The following VPS54 variants were observed in gnomAD, a reference collection of about 807,000 sequenced individuals.
VPS54 encodes vacuolar protein sorting-associated protein 54.
In VPS54, 45 loss-of-function variants were observed where a neutral mutation model predicts 121.5. The ratio of observed to expected loss-of-function variants is 0.37; its 90% CI spans 0.29 to 0.47. VPS54 has a LOEUF of 0.47. Ranked by LOEUF, VPS54 falls within the 20% of genes least tolerant of loss-of-function variation. The pLI is 0.99. For synonymous variants in VPS54, 371 were observed against 385.8 expected, an observed-to-expected ratio of 0.96 and a Z score of 0.45; for missense variants, 1,090 against 1,131.4, an observed-to-expected ratio of 0.96 and a Z score of 0.52.
chr2:63,906,662 T>C (rs1464984738), intron 20 of VPS54, among the ~76,000 whole-genome samples: 1 of 152,170 alleles, frequency 6.6e-6, no homozygotes, highest in African/African-American at 2.4e-5. Context: ...TTACTGAATG[T>C]AGTATTGGGA....
Position 64,005,168 on chromosome 2 carries a change from A to G in VPS54, c.-21+13770T>C, listed in dbSNP as rs555407232. On this transcript the variant is annotated intron_variant, in intron 1 of 22. Coordinates refer to ENST00000272322, the MANE Select transcript of VPS54 (RefSeq NM_016516.3). ...GCCCAGGCCAGATTGCAGTGGCACA[A>G]TCTCGGCTCACTGCAAGCTCCGCCT... Among the ~76,000 whole-genome samples the G allele has an allele frequency of 1.0e-4, 13 of 126,898 alleles. No individual in the cohort carries two copies. In the East Asian group the frequency reaches 3.0e-3, roughly 29 times the overall value. 83.3% of individuals were successfully genotyped at this position (126,898 alleles called of 152,430 possible). A position where few individuals can be genotyped will look rare whatever the true frequency, so the allele number is the denominator to read the frequency against.
chr2:63,962,209 A>G lies in VPS54; in HGVS notation c.859T>C (p.Tyr287His). 1.2e-6 allele frequency: 2 copies of G among 1,614,046 alleles called. No individual in the cohort carries two copies. The highest frequency in any genetic ancestry group is 1.7e-6 in the Non-Finnish European group (2 of 1,179,916). ...GTGGCCATTAACTTCAGCTTATTGTATACTTTAACACAATTATTTCTGGTA... is the reference window on the plus strand; with the variant it reads ...GTGGCCATTAACTTCAGCTTATTGTGTACTTTAACACAATTATTTCTGGTA... ...ALTRNNCVKVYNKLKLMATVH... is the reference protein window; with the variant it reads ...ALTRNNCVKVHNKLKLMATVH... Residue 287 changes from tyrosine (Y) to histidine (H), a missense_variant, in exon 7 of 23, where the codon TAC (tyrosine) becomes CAC (histidine). Physicochemically the swap from Tyr to His is moderately conservative, Grantham distance 83 (BLOSUM62 2). Coordinates refer to ENST00000272322, the MANE Select transcript of VPS54 (RefSeq NM_016516.3).
intron 1 of VPS54, among the ~76,000 whole-genome samples, chr2:63,984,859 ATTGT>A (rs1169025380): frequency 6.6e-6 from 1 of 152,216 alleles, no homozygotes; most frequent in Non-Finnish European, 1.5e-5. Flanking sequence ...AAGAACATGC[ATTGT>A]TTTACTACTG....
chr2:63,973,449 A>G (rs925832757), intron 3 of VPS54, among the ~76,000 whole-genome samples: 8 of 152,098 alleles, frequency 5.3e-5, no homozygotes, highest in African/African-American at 1.4e-4. Context: ...GCACACTTCT[A>G]TATCTTTTTT....
intron 20 of VPS54, among the ~76,000 whole-genome samples, chr2:63,910,858 A>G (rs1673119112): frequency 1.3e-5 from 2 of 152,296 alleles, no homozygotes; most frequent in South Asian, 4.2e-4. Context: ...GTACTAGCAC[A>G]TCTTTGGTTT....
chr2:63,949,577 G>A (rs1421453997), intron 7 of VPS54, among the ~76,000 whole-genome samples: 2 of 152,090 alleles, frequency 1.3e-5, no homozygotes, highest in African/African-American at 4.8e-5. Context: ...ATGGTACTAA[G>A]AAAATCCTAT....
chr2:63,924,291 A>G (rs768694429), intron 12 of VPS54, among the ~76,000 whole-genome samples: 1 of 152,234 alleles, frequency 6.6e-6, no homozygotes, highest in Non-Finnish European at 1.5e-5. Flanking sequence ...CTTCCCTTAT[A>G]GCTAGACATA....
intron 20 of VPS54, among the ~76,000 whole-genome samples, chr2:63,905,402 A>G (rs999210555): frequency 1.3e-5 from 2 of 152,176 alleles, no homozygotes; most frequent in Non-Finnish European, 2.9e-5. Context: ...AAAGAATATC[A>G]TATACAAGTT....
At chr2:63,973,518 T>G (rs1676381277) in intron 3 of VPS54, among the ~76,000 whole-genome samples, 2 of 152,204 alleles carry the variant, frequency 1.3e-5, no homozygotes, top group Admixed American at 1.3e-4. Flanking sequence ...TTTGTTTTGT[T>G]GTTGTTGAGT....
chr2:64,012,856 T>A (rs2104708043), intron 1 of VPS54, among the ~76,000 whole-genome samples: 1 of 152,294 alleles, frequency 6.6e-6, no homozygotes, highest in East Asian at 1.9e-4. Context: ...TTTACTTGGC[T>A]CCAGAAAAGG....
chr2:63,920,096 C>G lies in VPS54; in HGVS notation c.2052-101G>C, dbSNP rs934753238. ...AGAAGAGCTGAGTGAGAACATAAGA[C>G]TTAAAAAGTGCTGAACACTTTAATA... is the stretch of plus-strand genomic sequence containing the variant. On this transcript the variant is annotated intron_variant, in intron 14 of 22. Coordinates refer to ENST00000272322, the MANE Select transcript of VPS54 (RefSeq NM_016516.3). 1.5e-5 allele frequency: 14 copies of G among 946,336 alleles called. No homozygotes were observed. The African/African-American group carries it at 2.0e-4, about 14-fold the overall frequency. The allele number at this position is 946,336 out of a possible 1,614,324, so 58.6% of individuals were successfully genotyped here.
chr2:64,016,700 C>T (rs1678714478), intron 1 of VPS54, among the ~76,000 whole-genome samples: 1 of 151,796 alleles, frequency 6.6e-6, no homozygotes, highest in South Asian at 2.1e-4. Flanking sequence ...CCTCCACCTC[C>T]CAGGTTCAAG....
Position 63,962,223 on chromosome 2 carries a change from T to C in VPS54, c.845A>G (p.Asn282Ser), listed in dbSNP as rs1675802979. 1.2e-6 allele frequency: 2 copies of C among 1,613,930 alleles called. No individual in the cohort carries two copies. Among genetic ancestry groups the C allele is most frequent in the Non-Finnish European group, 1.7e-6 (2 of 1,179,906 alleles). ...CAGCTTATTGTATACTTTAACACAA[T>C]TATTTCTGGTAAGTGCCAGTCTTAA... ...HILRLALTRN[N>S]CVKVYNKLKL... Residue 282 changes from asparagine to serine, a missense_variant, in exon 7 of 23, where the codon AAT becomes AGT. Around this residue, in one of 2 missense-constraint regions of VPS54, gnomAD observed 801 missense variants for 757.0 expected, o/e 1.06. Coordinates refer to ENST00000272322, the MANE Select transcript of VPS54 (RefSeq NM_016516.3).
chr2:63,996,490 T>C (rs1008162208), intron 1 of VPS54, among the ~76,000 whole-genome samples: 1 of 152,030 alleles, frequency 6.6e-6, no homozygotes, highest in Non-Finnish European at 1.5e-5. Context: ...CTGGGCACCT[T>C]GAAAAAAGAA....
chr2:64,011,989 A>T (rs1190591714), intron 1 of VPS54, among the ~76,000 whole-genome samples: 2 of 152,244 alleles, frequency 1.3e-5, no homozygotes, highest in African/African-American at 4.8e-5. Context: ...TAAAAATATT[A>T]AATGTTAGTT....
chr2:63,947,957 C>T (rs1327579497), intron 8 of VPS54, among the ~76,000 whole-genome samples: 8 of 152,126 alleles, frequency 5.3e-5, no homozygotes, highest in Non-Finnish European at 5.9e-5. Flanking sequence ...CCACCTCAGC[C>T]TCCCGAGTAG....
chr2:63,898,419 CAGTG>C (rs1672533359), intron 21 of VPS54, among the ~76,000 whole-genome samples: 2 of 152,180 alleles, frequency 1.3e-5, no homozygotes, highest in African/African-American at 2.4e-5. Flanking sequence ...CTTCAGTCCT[CAGTG>C]AGTCCCAAAG....
At chr2:63,909,601 G>A (rs556185304) in intron 20 of VPS54, among the ~76,000 whole-genome samples, 3 of 151,008 alleles carry the variant, frequency 2.0e-5, no homozygotes, top group Admixed American at 2.0e-4. Flanking sequence ...TGTATTTTTA[G>A]TAGAGACAGG....
At chr2:63,975,516 G>C (rs1486577071) in intron 3 of VPS54, 1 of 154,940 alleles carries the variant, frequency 6.5e-6, no homozygotes, top group East Asian at 1.9e-4. Context: ...GAGATATTTT[G>C]CAGACCCTGT....
Sources: gnomAD v4.1 joint callset for allele counts (sites outside exome capture counted in the v4.1 genomes callset) on GRCh38, gnomAD v4.1.1 for gene constraint, gnomAD v4.1.1 regional missense constraint, MANE v1.5 for transcripts, NCBI Gene and HGNC (gene_info 2026-07-23, HGNC 2026-07-21) for gene names.